UBA6: variants seen among roughly 807,000 people sequenced by gnomAD.
UBA6 encodes ubiquitin like modifier activating enzyme 6.
In UBA6, 87 loss-of-function variants were observed where a neutral mutation model predicts 148.3. The ratio of observed to expected loss-of-function variants is 0.59; its 90% CI spans 0.49 to 0.70. The LOEUF is 0.70. Among genes scored for constraint, UBA6 ranks in the 30% least tolerant of loss-of-function variants. The pLI is 0.00. For synonymous variants in UBA6, 376 were observed against 401.0 expected, an observed-to-expected ratio of 0.94 and a Z score of 0.75; for missense variants, 1,186 against 1,241.2, an observed-to-expected ratio of 0.96 and a Z score of 0.67.
At chr4:67,668,110 T>C (rs921333725) in intron 9 of UBA6, among the ~76,000 whole-genome samples, 6 of 152,194 alleles carry the variant, frequency 3.9e-5, no homozygotes, top group Non-Finnish European at 8.8e-5. Flanking sequence ...CACTCACCTA[T>C]AGTATGTGAT....
intron 3 of UBA6, 83 bp from the exon 4 acceptor site, chr4:67,681,674 G>A: frequency 1.1e-6 from 1 of 900,686 alleles, no homozygotes; most frequent in Non-Finnish European, 1.7e-6. Flanking sequence ...TCACATATCT[G>A]ACTGCATACT....
At position 67,695,234 on chromosome 4, in the gene UBA6, TA is replaced by T. The variant is rs547408876; in HGVS notation, c.134+1410del. 1.5e-4 allele frequency among the ~76,000 whole-genome samples: 23 copies of T among 152,332 alleles called. No homozygotes were observed. In the South Asian group the frequency reaches 3.7e-3, roughly 25 times the overall value. ...TAATTATAGATTAAGAATCCCAACG[TA>T]AGAGTCCCACTCTCCCTTTTTGCTT... On this transcript the variant is annotated intron_variant, in intron 2 of 32. Transcript: ENST00000322244.
At chr4:67,630,323 T>C (rs900502752) in intron 26 of UBA6, 143 bp downstream of exon 26, 2 of 654,114 alleles carry the variant, frequency 3.1e-6, no homozygotes, top group East Asian at 3.0e-5. Context: ...ATTATGTTAG[T>C]ATGGGTAAAA....
At chr4:67,666,222 T>C (rs1729992610) in intron 9 of UBA6, among the ~76,000 whole-genome samples, 1 of 152,064 alleles carries the variant, frequency 6.6e-6, no homozygotes, top group South Asian at 2.1e-4. Flanking sequence ...TCCGATAACA[T>C]TTTCATCTAT....
intron 9 of UBA6, among the ~76,000 whole-genome samples, chr4:67,666,604 T>G (rs1730002380): frequency 6.6e-6 from 1 of 152,170 alleles, no homozygotes; most frequent in African/African-American, 2.4e-5. Context: ...TGAGGTTTTT[T>G]TATCTTCATA....
intron 2 of UBA6, among the ~76,000 whole-genome samples, chr4:67,692,155 T>A (rs1389213444): frequency 6.6e-6 from 1 of 152,036 alleles, no homozygotes; most frequent in Non-Finnish European, 1.5e-5. Flanking sequence ...CAAAGGATAG[T>A]TTGATAACTT....
At chr4:67,674,330 C>T (rs189401805) in intron 6 of UBA6, among the ~76,000 whole-genome samples, 30 of 152,258 alleles carry the variant, frequency 2.0e-4, no homozygotes, top group Admixed American at 2.6e-4. Context: ...GCCCTTACCG[C>T]TCTTTACTTG....
chr4:67,690,532 T>A (rs1730670221), intron 2 of UBA6, among the ~76,000 whole-genome samples: 1 of 152,082 alleles, frequency 6.6e-6, no homozygotes, highest in Non-Finnish European at 1.5e-5. Context: ...AAAGTATTTA[T>A]AAACCATGTA....
chr4:67,674,545 G>T (rs142071776), intron 6 of UBA6, among the ~76,000 whole-genome samples: 122 of 152,198 alleles, frequency 8.0e-4, no homozygotes, highest in African/African-American at 2.8e-3. Flanking sequence ...GGGCGAGGAA[G>T]AAAATGCAAT....
chr4:67,629,549 G>A (rs1328259323), intron 26 of UBA6, among the ~76,000 whole-genome samples: 1 of 151,900 alleles, frequency 6.6e-6, no homozygotes, highest in East Asian at 1.9e-4. Context: ...TAAGTAAATG[G>A]AATTCATACC....
At chr4:67,656,019 C>A (rs1443674976) in intron 13 of UBA6, among the ~76,000 whole-genome samples, 5 of 152,180 alleles carry the variant, frequency 3.3e-5, no homozygotes, top group Non-Finnish European at 7.3e-5. Context: ...AGAACAATAA[C>A]AGGTTCTGAA....
intron 17 of UBA6, among the ~76,000 whole-genome samples, chr4:67,644,429 T>C (rs1729373701): frequency 6.6e-6 from 1 of 152,110 alleles, no homozygotes; most frequent in Non-Finnish European, 1.5e-5. Flanking sequence ...ACAATAACGT[T>C]ATGAGATAGG....
Position 67,616,841 on chromosome 4 carries a change from A to G in UBA6, c.*2156T>C, listed in dbSNP as rs971072615. 6.6e-6 allele frequency: 1 copy of G among 152,174 alleles called. No homozygotes were observed. The highest frequency in any genetic ancestry group is 1.5e-5 in the Non-Finnish European group (1 of 67,992). 9.4% of individuals were successfully genotyped at this position (152,174 alleles called of 1,614,324 possible). Reference sequence around the variant, plus strand: ...TTAATTTATTTTTAATAAGTAAAAAATACTCATTGAAACTGTACAAAAATC... The same window carrying G: ...TTAATTTATTTTTAATAAGTAAAAAGTACTCATTGAAACTGTACAAAAATC... On this transcript the variant is annotated 3_prime_UTR_variant, in exon 33 of 33. Transcript: ENST00000322244.
rs748836641 is a variant in UBA6, at chr4:67,677,704, T to C, written c.372A>G (p.Lys124=). The C allele has an allele frequency of 6.3e-7, 1 of 1,588,404 alleles. No homozygotes were observed. Among genetic ancestry groups the C allele is most frequent in the Non-Finnish European group, 8.6e-7 (1 of 1,161,804 alleles). ...NKRNRAEAVL[K]HIAELNPYVH... Reference sequence around the variant, plus strand: ...CGTATGGATTTAGTTCTGCAATATGTTTAAGTACAGCTTCAGCCCTAAAAA... The same window carrying C: ...CGTATGGATTTAGTTCTGCAATATGCTTAAGTACAGCTTCAGCCCTAAAAA... Residue 124 remains lysine (K), a synonymous_variant, in exon 6 of 33, where the codon AAA becomes AAG. Transcript: ENST00000322244.
intron 2 of UBA6, among the ~76,000 whole-genome samples, chr4:67,690,562 T>C (rs368608258): frequency 2.2e-4 from 33 of 152,162 alleles, no homozygotes; most frequent in African/African-American, 7.5e-4. Flanking sequence ...GGGTTAATAA[T>C]ATCCAAAGGA....
In UBA6 at chr4:67,677,668, T is replaced by A; in HGVS notation, c.408A>T (p.Thr136=). The part of the protein sequence containing the change: ...IAELNPYVHV[T]SSSVPFNETT... ...TCTCATTGAAAGGAACAGAAGATGA[T>A]GTGACATGAACGTATGGATTTAGTT... Residue 136 remains threonine (T), a synonymous_variant, in exon 6 of 33, where the codon ACA becomes ACT. Coordinates refer to ENST00000322244, the MANE Select transcript of UBA6 (RefSeq NM_018227.6). 1.2e-6 allele frequency: 2 copies of A among 1,609,066 alleles called. No homozygotes were observed. The highest frequency in any genetic ancestry group is 1.7e-6 in the Non-Finnish European group (2 of 1,176,308).
intron 23 of UBA6, 83 bp downstream of exon 23, chr4:67,633,262 T>G: frequency 1.6e-6 from 2 of 1,241,388 alleles, no homozygotes; most frequent in Non-Finnish European, 2.2e-6. Flanking sequence ...AGAATACACA[T>G]TTCAGGTCAA....
chr4:67,684,791 G>A (rs1322175492), intron 2 of UBA6, among the ~76,000 whole-genome samples: 1 of 152,092 alleles, frequency 6.6e-6, no homozygotes, highest in Non-Finnish European at 1.5e-5. Flanking sequence ...TTGTATCTCA[G>A]TACCTGAACT....
intron 13 of UBA6, among the ~76,000 whole-genome samples, chr4:67,658,782 A>G (rs1729768395): frequency 1.3e-5 from 2 of 152,190 alleles, no homozygotes; most frequent in Non-Finnish European, 1.5e-5. Context: ...TACACATACT[A>G]TATGATTCCA....
Sources: gnomAD v4.1 joint callset for allele counts (sites outside exome capture counted in the v4.1 genomes callset) on GRCh38, gnomAD v4.1.1 for gene constraint, MANE v1.5 for transcripts, NCBI Gene and HGNC (gene_info 2026-07-23, HGNC 2026-07-21) for gene names.